The following SNX18 variants were observed in gnomAD, a reference collection of about 807,000 sequenced individuals.
SNX18 encodes the protein sorting nexin-18.
In SNX18, 35 loss-of-function variants were observed where a neutral mutation model predicts 48.7. The observed-to-expected ratio is 0.72, with a 90% confidence interval of 0.55 to 0.95. The LOEUF (loss-of-function observed/expected upper bound fraction) is 0.95, where lower values mean the gene tolerates loss of function less well. Ranked by LOEUF, SNX18 falls within the 40% of genes least tolerant of loss-of-function variation. The pLI is 0.00. For synonymous variants in SNX18, 492 were observed against 384.7 expected, an observed-to-expected ratio of 1.28 and a Z score of -3.26; for missense variants, 824 against 871.0, an observed-to-expected ratio of 0.95 and a Z score of 0.68.
the SNX18 span, among the ~76,000 whole-genome samples, chr5:54,581,227 G>T: frequency 3.1e-4 from 47 of 152,250 alleles, no homozygotes; most frequent in African/African-American, 1.1e-3. Flanking sequence ...AACATGAACA[G>T]ATCCTGAATA....
In SNX18 at chr5:54,518,755, A is replaced by C. The variant is rs756523700; in HGVS notation, c.803A>C (p.Glu268Ala). 14 of 1,606,268 alleles carry C rather than the reference A, an allele frequency of 8.7e-6. No individual in the cohort carries two copies. Among genetic ancestry groups the C allele is most frequent in the African/African-American group, 1.3e-5 (1 of 74,706 alleles). The change falls in exon 1 of 2, where the codon GAG becomes GCG. Residue 268 changes from glutamate (E) to alanine (A), a missense_variant. Glu to Ala is a moderately radical substitution (Grantham distance 107). Coordinates refer to ENST00000381410, the MANE Select transcript of SNX18 (RefSeq NM_001102575.2). ...LCVVLGPYGP[E>A]WQENPYPFQC... ...GTGGTGCTGGGGCCCTATGGCCCCG[A>C]GTGGCAGGAGAACCCCTACCCGTTC...
chr5:54,637,471 TTGCCAGCTGGTACCAACAAGGAGGA>T, the SNX18 span, among the ~76,000 whole-genome samples: 1 of 152,096 alleles, frequency 6.6e-6, no homozygotes, highest in African/African-American at 2.4e-5. Context: ...AATATAGATT[TTGCCAGCTGGTACCAACAAGGAGGA>T]ATGAAGTGGT....
At chr5:54,523,847 A>G (rs1262912065) in intron 1 of SNX18, among the ~76,000 whole-genome samples, 1 of 152,186 alleles carries the variant, frequency 6.6e-6, no homozygotes, top group African/African-American at 2.4e-5. Context: ...AGGGCACACA[A>G]GGTAAGGCTG....
the SNX18 span, among the ~76,000 whole-genome samples, chr5:54,607,723 G>A: frequency 1.5e-4 from 23 of 152,026 alleles, no homozygotes; most frequent in Non-Finnish European, 2.9e-4. Context: ...ACTTGATGTC[G>A]GGAGTTCGCG....
chr5:54,550,806 A>T (rs1366208848), downstream of SNX18, among the ~76,000 whole-genome samples: 1 of 152,096 alleles, frequency 6.6e-6, no homozygotes, highest in Non-Finnish European at 1.5e-5. Flanking sequence ...GCTGGTCTCG[A>T]ACTCCTGACC....
chr5:54,641,500 T>C, the SNX18 span, among the ~76,000 whole-genome samples: 1 of 152,060 alleles, frequency 6.6e-6, no homozygotes, highest in African/African-American at 2.4e-5. Flanking sequence ...CCAGGAGTGG[T>C]GGAGGGAAGG....
chr5:54,639,764 C>T, the SNX18 span, among the ~76,000 whole-genome samples: 3 of 152,070 alleles, frequency 2.0e-5, no homozygotes, highest in Non-Finnish European at 2.9e-5. Flanking sequence ...GAATAAGCTA[C>T]GCTCAAGCGT....
chr5:54,630,367 G>A, the SNX18 span, among the ~76,000 whole-genome samples: 1 of 152,166 alleles, frequency 6.6e-6, no homozygotes, highest in Non-Finnish European at 1.5e-5. Context: ...GCAGGCAGGG[G>A]AGGCAAACAG....
At chr5:54,626,297 AC>A in the SNX18 span, among the ~76,000 whole-genome samples, 63 of 152,294 alleles carry the variant, frequency 4.1e-4, no homozygotes, top group African/African-American at 1.5e-3. Context: ...TTCACTCTGT[AC>A]CCTAAATATG....
intron 1 of SNX18, among the ~76,000 whole-genome samples, chr5:54,528,208 G>C (rs1222452794): frequency 6.6e-6 from 1 of 151,764 alleles, no homozygotes; most frequent in Admixed American, 6.6e-5. Context: ...TGTTTACTGG[G>C]GTCTCGTTTG....
chr5:54,547,870 C>T (rs994868519), downstream of SNX18, among the ~76,000 whole-genome samples: 4 of 152,190 alleles, frequency 2.6e-5, no homozygotes, highest in South Asian at 2.1e-4. Context: ...CTCATGAGTA[C>T]CACTTGGCCA....
chr5:54,520,175 A>G, intron 1 of SNX18: 1 of 239,876 alleles, frequency 4.2e-6, no homozygotes, highest in Non-Finnish European at 8.9e-6. Flanking sequence ...AAATCTATTA[A>G]TGTACTGAAA....
chr5:54,631,111 A>G, the SNX18 span, among the ~76,000 whole-genome samples: 1 of 152,198 alleles, frequency 6.6e-6, no homozygotes, highest in Non-Finnish European at 1.5e-5. Context: ...AAATAAGGCC[A>G]TTTCAATGAC....
At chr5:54,589,943 C>T in the SNX18 span, among the ~76,000 whole-genome samples, 1 of 152,312 alleles carries the variant, frequency 6.6e-6, no homozygotes, top group Non-Finnish European at 1.5e-5. Context: ...GCACACACAA[C>T]CATGACCAGC....
At chr5:54,582,716 C>T in the SNX18 span, among the ~76,000 whole-genome samples, 1 of 151,870 alleles carries the variant, frequency 6.6e-6, no homozygotes, top group Non-Finnish European at 1.5e-5. Flanking sequence ...CACTTGAGCT[C>T]AAGAATTCAA....
chr5:54,608,669 T>C, the SNX18 span, among the ~76,000 whole-genome samples: 1 of 152,246 alleles, frequency 6.6e-6, no homozygotes, highest in Non-Finnish European at 1.5e-5. Context: ...GAAGGAAGGA[T>C]GACTGGTGTG....
At position 54,543,338 on chromosome 5, in the gene SNX18, C is replaced by T. The variant is rs947653202; in HGVS notation, c.1781C>T (p.Ser594Leu). Reference protein sequence around the residue: ...FHQIRVRDFKSQMQHFLQQQI... With the variant: ...FHQIRVRDFKLQMQHFLQQQI... ...CAAATTCGAGTGAGAGACTTTAAAT[C>T]ACAGATGCAGCATTTCTTACAACAA... The change falls in exon 2 of 2, where the codon TCA (serine) becomes TTA (leucine). Residue 594 changes from serine to leucine, a missense_variant. Physicochemically the swap from Ser to Leu is moderately radical, Grantham distance 145 (BLOSUM62 -2). Around this residue, in one of 3 missense-constraint regions of SNX18, gnomAD observed 443 missense variants for 503.6 expected, o/e 0.88. Coordinates refer to ENST00000381410, the MANE Select transcript of SNX18 (RefSeq NM_001102575.2). The T allele has an allele frequency of 5.6e-6, 9 of 1,614,016 alleles. No homozygotes were observed. The highest frequency in any genetic ancestry group is 1.6e-4 in the Middle Eastern group (1 of 6,084).
At chr5:54,638,064 A>G in the SNX18 span, among the ~76,000 whole-genome samples, 1 of 152,216 alleles carries the variant, frequency 6.6e-6, no homozygotes, top group African/African-American at 2.4e-5. Context: ...GTAATTGTTC[A>G]GTAGTCACCA....
At chr5:54,629,154 G>A in the SNX18 span, among the ~76,000 whole-genome samples, 3 of 152,158 alleles carry the variant, frequency 2.0e-5, no homozygotes, top group African/African-American at 7.2e-5. Context: ...CACTTGAAAG[G>A]TCTTTCCTTG....
Sources: allele counts gnomAD v4.1 joint callset (sites outside exome capture counted in the v4.1 genomes callset), GRCh38; gene constraint gnomAD v4.1.1; regional missense constraint gnomAD v4.1.1; transcripts MANE v1.5; gene names NCBI Gene and HGNC (gene_info 2026-07-23, HGNC 2026-07-21).